Variants in PPP4R3A observed in about 807,000 individuals in gnomAD.
The protein encoded by PPP4R3A is serine/threonine-protein phosphatase 4 regulatory subunit 3A.
A neutral mutation model predicts 91.7 loss-of-function variants in PPP4R3A; 15 were observed. The observed-to-expected ratio is 0.16, with a 90% confidence interval of 0.11 to 0.25. The LOEUF is 0.25. Ranked by LOEUF, PPP4R3A falls within the 10% of genes least tolerant of loss-of-function variation. The pLI is 1.00. For missense variants in PPP4R3A, 623 were observed against 998.4 expected (o/e 0.62, Z 5.07); for synonymous variants, 377 against 348.7 (o/e 1.08, Z -0.91).
chr14:91,507,389 GT>G (rs1891389635), intron 1 of PPP4R3A, among the ~76,000 whole-genome samples: 2 of 95,426 alleles, frequency 2.1e-5, no homozygotes, highest in African/African-American at 8.3e-5. Flanking sequence ...ATACTATATA[GT>G]ATATGTACTA....
chr14:91,469,861 G>A (rs1403995220), intron 10 of PPP4R3A, among the ~76,000 whole-genome samples: 3 of 151,406 alleles, frequency 2.0e-5, no homozygotes, highest in Non-Finnish European at 4.4e-5. Flanking sequence ...ACTGCACCTG[G>A]CCATTTATTT....
intron 4 of PPP4R3A, among the ~76,000 whole-genome samples, chr14:91,479,004 A>G (rs897031727): frequency 6.6e-6 from 1 of 152,154 alleles, no homozygotes; most frequent in African/African-American, 2.4e-5. Context: ...ACCTCTGCCT[A>G]CCAGGTGCAA....
intron 11 of PPP4R3A, among the ~76,000 whole-genome samples, chr14:91,463,169 G>A (rs1288483026): frequency 2.6e-5 from 4 of 151,952 alleles, no homozygotes; most frequent in Non-Finnish European, 4.4e-5. Flanking sequence ...GGATTTAAGC[G>A]ATTCTCCTGG....
At chr14:91,503,293 AT>A (rs11333893) in intron 1 of PPP4R3A, among the ~76,000 whole-genome samples, 72,556 of 148,348 alleles carry the variant, frequency 0.49, 17,709 homozygotes, top group Admixed American at 0.53. Context: ...CCCGAGCTAC[AT>A]TTTTTTTTTT....
intron 1 of PPP4R3A, among the ~76,000 whole-genome samples, chr14:91,498,944 C>T (rs990809442): frequency 4.2e-5 from 6 of 143,674 alleles, no homozygotes; most frequent in Admixed American, 3.5e-4. Context: ...AGAAGCCTGG[C>T]TAATTTTTTT....
chr14:91,468,692 AAAAAAG>A, intron 10 of PPP4R3A, among the ~76,000 whole-genome samples: 3 of 111,160 alleles, frequency 2.7e-5, no homozygotes, highest in African/African-American at 1.0e-4. Context: ...AAAAAAAAGG[AAAAAAG>A]AAAAAAAAGA....
At chr14:91,464,341 C>G (rs539363251) in intron 11 of PPP4R3A, among the ~76,000 whole-genome samples, 1 of 138,810 alleles carries the variant, frequency 7.2e-6, no homozygotes, top group South Asian at 2.7e-4. Context: ...CCTCACCCCC[C>G]AAAAAAAGCA....
Position 91,470,900 on chromosome 14 carries a change from T to G in PPP4R3A, c.1597A>C (p.Asn533His). 6.2e-7 allele frequency: 1 copy of G among 1,612,036 alleles called. No individual in the cohort carries two copies. Among genetic ancestry groups the G allele is most frequent in the Non-Finnish European group, 8.5e-7 (1 of 1,179,634 alleles). The change falls in exon 10 of 15, where the codon AAT (asparagine) becomes CAT (histidine). Residue 533 changes from asparagine to histidine, a missense_variant. By Grantham distance (68) the Asn-to-His change is moderately conservative. Transcript: ENST00000554943. ...AGCACTCTCCGGAGGATATCCTTAT[T>G]AATAATGTAGTTCTTTATGTGGTAG... ...HTYHIKNYII[N>H]KDILRRVLVL...
chr14:91,492,058 C>T lies in PPP4R3A; in HGVS notation c.143-1256G>A, dbSNP rs569510796. ...TAGCAGTAAAGACATGATAATCTGA[C>T]GAGTAAGGACTGGGTAACAATAGAA... On this transcript the variant is annotated intron_variant, in intron 1 of 14. Coordinates refer to ENST00000554943, the MANE Select transcript of PPP4R3A (RefSeq NM_001366432.2). 3.9e-5 allele frequency among the ~76,000 whole-genome samples: 6 copies of T among 152,200 alleles called. 1 individual carries two copies. The highest frequency in any genetic ancestry group is 2.6e-4 in the Admixed American group (4 of 15,286).
chr14:91,509,669 CG>C lies in PPP4R3A; in HGVS notation c.-23del, dbSNP rs748680619. On this transcript the variant is annotated 5_prime_UTR_variant, in exon 1 of 15. Coordinates refer to ENST00000554943, the MANE Select transcript of PPP4R3A (RefSeq NM_001366432.2). ...TCATCGTGCCGCCCGGGAACCGGGGCGGGGGCCCCGCCAGTAGACGCCCAGG... is the reference window on the plus strand; with the variant it reads ...TCATCGTGCCGCCCGGGAACCGGGGCGGGGCCCCGCCAGTAGACGCCCAGG... 37 of 1,567,220 alleles carry C rather than the reference CG, an allele frequency of 2.4e-5. No homozygotes were observed. In the East Asian group the frequency reaches 7.2e-4, roughly 31 times the overall value.
At chr14:91,460,851 C>T (rs557770942) in intron 14 of PPP4R3A, among the ~76,000 whole-genome samples, 88 of 152,162 alleles carry the variant, frequency 5.8e-4, no homozygotes, top group African/African-American at 1.9e-3. Context: ...GATCTCCTGA[C>T]CTCGTGTCCT....
intron 1 of PPP4R3A, among the ~76,000 whole-genome samples, chr14:91,502,633 C>T (rs537472009): frequency 7.9e-5 from 12 of 152,310 alleles, no homozygotes; most frequent in African/African-American, 2.9e-4. Flanking sequence ...GGCAGACCCA[C>T]CTACAATGAA....
chr14:91,461,669 G>A (rs767047524), intron 13 of PPP4R3A, 62 bp from the exon 14 acceptor site: 70 of 1,500,866 alleles, frequency 4.7e-5, no homozygotes, highest in Middle Eastern at 4.2e-4. Context: ...TTCCCCAAAT[G>A]AGGTAACACT....
At chr14:91,509,209 G>C (rs950560234) in intron 1 of PPP4R3A, among the ~76,000 whole-genome samples, 3 of 152,148 alleles carry the variant, frequency 2.0e-5, no homozygotes, top group Non-Finnish European at 2.9e-5. Context: ...GCACACTCCG[G>C]ACTCCCTATC....
chr14:91,483,901 G>T (rs975599899), intron 3 of PPP4R3A, among the ~76,000 whole-genome samples: 2 of 152,182 alleles, frequency 1.3e-5, no homozygotes, highest in African/African-American at 4.8e-5. Context: ...GGAGAGCCAG[G>T]CATGACAATG....
chr14:91,485,708 T>C lies in PPP4R3A; in HGVS notation c.221A>G (p.Glu74Gly). 6.2e-7 allele frequency: 1 copy of C among 1,606,674 alleles called. No homozygotes were observed. ...AAGGGCCAAGTCATAATTTTCTGCT[T>C]CAGACCACACAATCAGAGTGTCCTT... Reference protein sequence around the residue: ...KQQDTLIVWSEAENYDLALSF... With the variant: ...KQQDTLIVWSGAENYDLALSF... Residue 74 changes from glutamate to glycine, a missense_variant, in exon 3 of 15, where the codon GAA becomes GGA. Transcript: ENST00000554943.
chr14:91,460,683 C>T (rs72701477), intron 14 of PPP4R3A, among the ~76,000 whole-genome samples: 15,940 of 129,738 alleles, frequency 0.12, 1,076 homozygotes, highest in Middle Eastern at 0.15. Flanking sequence ...GTTGCAGTAG[C>T]GATCTCAGCT....
At chr14:91,482,784 C>G (rs975223043) in intron 3 of PPP4R3A, among the ~76,000 whole-genome samples, 3 of 152,062 alleles carry the variant, frequency 2.0e-5, no homozygotes, top group African/African-American at 7.2e-5. Flanking sequence ...TGGCTTTGGA[C>G]CAAAGTGAGT....
At chr14:91,487,984 C>T (rs1890000685) in intron 2 of PPP4R3A, among the ~76,000 whole-genome samples, 1 of 152,184 alleles carries the variant, frequency 6.6e-6, no homozygotes, top group Non-Finnish European at 1.5e-5. Flanking sequence ...CCACCAACCC[C>T]AGCCAAGAAC....
Sources: gnomAD v4.1 joint callset for allele counts (sites outside exome capture counted in the v4.1 genomes callset) on GRCh38, gnomAD v4.1.1 for gene constraint, MANE v1.5 for transcripts, NCBI Gene and HGNC (gene_info 2026-07-23, HGNC 2026-07-21) for gene names.